The following PCDHGA7 variants were observed in gnomAD, a reference collection of about 807,000 sequenced individuals.
PCDHGA7 encodes protocadherin gamma-A7.
PCDHGA7 carries 44 observed loss-of-function variants against 58.3 expected under a neutral mutation model. The observed-to-expected ratio is 0.75, with a 90% CI of 0.59 to 0.97. The LOEUF (loss-of-function observed/expected upper bound fraction) is 0.97, where lower values mean the gene tolerates loss of function less well. Among genes scored for constraint, PCDHGA7 ranks in the 50% least tolerant of loss-of-function variants. PCDHGA7 has a pLI of 0.00. For missense variants in PCDHGA7, 1,266 were observed against 1,188.7 expected (o/e 1.06, Z -0.96); for synonymous variants, 516 against 504.2 (o/e 1.02, Z -0.31).
Position 141,477,312 on chromosome 5 carries a change from TTACTTC to T in PCDHGA7, c.2425-17493_2425-17488del, listed in dbSNP as rs773034406. Reference sequence around the variant, plus strand: ...GTTCCACCGGGTCTCCCTTTCAGCCTTACTTCTTCCCTCAAGAATTACTTCACTTTG... The same window carrying T: ...GTTCCACCGGGTCTCCCTTTCAGCCTTTCCCTCAAGAATTACTTCACTTTG... On this transcript the variant is annotated intron_variant, in intron 1 of 3. Coordinates refer to ENST00000518325, the MANE Select transcript of PCDHGA7 (RefSeq NM_018920.4). The surrounding 1 kb of genome is among the most constrained non-coding windows in gnomAD (Gnocchi z 4.9). The T allele has an allele frequency of 2.5e-6, 4 of 1,614,162 alleles. No homozygotes were observed. Among genetic ancestry groups the T allele is most frequent in the Non-Finnish European group, 3.4e-6 (4 of 1,180,032 alleles).
chr5:141,427,711 A>T, intron 1 of PCDHGA7: 1 of 1,036,498 alleles, frequency 9.6e-7, no homozygotes, highest in Non-Finnish European at 1.5e-6. Context: ...AGCGCCTCTG[A>T]CCTGGACCTA....
chr5:141,403,080 A>G, intron 1 of PCDHGA7: 2 of 1,614,078 alleles, frequency 1.2e-6, no homozygotes, highest in Non-Finnish European at 1.7e-6. Flanking sequence ...GAAAAGGGCT[A>G]TATTGTGGGC....
Position 141,384,139 on chromosome 5 carries a change from A to G in PCDHGA7, c.1240A>G (p.Thr414Ala), listed in dbSNP as rs1561600498. Residue 414 changes from threonine to alanine, a missense_variant, in exon 1 of 4, where the codon ACA (threonine) becomes GCA (alanine). By Grantham distance (58) the Thr-to-Ala change is moderately conservative. Transcript: ENST00000518325. ...LVTTKNLDRE[T>A]LSLYNITLKA... The stretch of plus-strand genomic sequence containing the variant: ...CACAACCAAAAACTTGGACCGGGAA[A>G]CACTCTCTTTGTATAACATCACACT... 6.2e-7 allele frequency: 1 copy of G among 1,612,786 alleles called. No individual in the cohort carries two copies.
chr5:141,392,248 A>G (rs2092491180), intron 1 of PCDHGA7: 3 of 152,220 alleles, frequency 2.0e-5, no homozygotes, highest in Admixed American at 2.0e-4. Flanking sequence ...ATTTGTTAGT[A>G]TATATTGGAG....
intron 1 of PCDHGA7, chr5:141,402,972 G>A (rs758148844): frequency 6.2e-7 from 1 of 1,608,316 alleles, no homozygotes; most frequent in Non-Finnish European, 8.5e-7. Context: ...CCAACCAAAT[G>A]CCAGCTCCGC....
chr5:141,469,711 T>C (rs894622720), intron 1 of PCDHGA7, among the ~76,000 whole-genome samples: 13 of 152,372 alleles, frequency 8.5e-5, no homozygotes, highest in African/African-American at 2.4e-4. Flanking sequence ...AATCACACTA[T>C]TAGGAATTTA....
In PCDHGA7 at chr5:141,491,893, G is replaced by C. The variant is rs2099734820; in HGVS notation, c.2425-2914G>C. The C allele has an allele frequency of 6.9e-7, 1 of 1,438,856 alleles. No individual in the cohort carries two copies. The highest frequency in any genetic ancestry group is 9.2e-7 in the Non-Finnish European group (1 of 1,088,104). 89.1% of individuals were successfully genotyped at this position (1,438,856 alleles called of 1,614,324 possible). A position where few individuals can be genotyped will look rare whatever the true frequency, so the allele number is the denominator to read the frequency against. ...GGCCGATTAAGGGATGGGGCTCCGA[G>C]CACCGGGGGTGGTGGCGACTGTGGG... On this transcript the variant is annotated intron_variant, in intron 1 of 3. Coordinates refer to ENST00000518325, the MANE Select transcript of PCDHGA7 (RefSeq NM_018920.4). The surrounding 1 kb of genome is among the most constrained non-coding windows in gnomAD (Gnocchi z 6.9).
intron 1 of PCDHGA7, chr5:141,421,770 G>A: frequency 6.2e-7 from 1 of 1,613,856 alleles, no homozygotes; most frequent in Non-Finnish European, 8.5e-7. Context: ...ACTTTTCCTT[G>A]CAACTGCGGG....
At chr5:141,420,501 A>T in intron 1 of PCDHGA7, 1 of 469,392 alleles carries the variant, frequency 2.1e-6, no homozygotes, top group East Asian at 4.1e-5. Context: ...CTCCGGTGAC[A>T]TTTTTATGAA....
chr5:141,501,141 A>G (rs940603527), intron 2 of PCDHGA7, among the ~76,000 whole-genome samples: 8 of 152,184 alleles, frequency 5.3e-5, no homozygotes, highest in Admixed American at 5.2e-4. Context: ...TGCTGGGATT[A>G]CAGGTGGGAG....
chr5:141,485,118 G>C lies in PCDHGA7; in HGVS notation c.2425-9689G>C, dbSNP rs547390669. 1 of 1,331,536 alleles carries C rather than the reference G, an allele frequency of 7.5e-7. No homozygotes were observed. Among genetic ancestry groups the C allele is most frequent in the East Asian group, 2.3e-5 (1 of 43,534 alleles). The allele number at this position is 1,331,536 out of a possible 1,614,324, so 82.5% of individuals were successfully genotyped here. On this transcript the variant is annotated intron_variant, in intron 1 of 3. Coordinates refer to ENST00000518325, the MANE Select transcript of PCDHGA7 (RefSeq NM_018920.4). The surrounding 1 kb of genome is among the most constrained non-coding windows in gnomAD (Gnocchi z 5.7). ...TCTCCAGCTGCTGTGGCTGTTTGGG[G>C]CGGGTCGGCTTCATCCGCGTCTCAG...
chr5:141,431,965 T>C lies in PCDHGA7; in HGVS notation c.2424+46642T>C, dbSNP rs765281339. The C allele has an allele frequency of 4.0e-5, 64 of 1,614,098 alleles. No homozygotes were observed. In the East Asian group the frequency reaches 4.9e-4, roughly 12 times the overall value. On this transcript the variant is annotated intron_variant, in intron 1 of 3. Transcript: ENST00000518325. This position sits in a 1 kb window ranked among gnomAD's most constrained non-coding sequence, Gnocchi z 4.8. Reference sequence around the variant, plus strand: ...TAGAAAAATCTTACGGAAATTACTATAGTTTAGTCACAGACATAGTCTTGG... The same window carrying C: ...TAGAAAAATCTTACGGAAATTACTACAGTTTAGTCACAGACATAGTCTTGG...
At chr5:141,424,068 G>T in intron 1 of PCDHGA7, 1 of 993,858 alleles carries the variant, frequency 1.0e-6, no homozygotes. Flanking sequence ...TCACTGATTT[G>T]TAGTTATATT....
At chr5:141,468,774 G>A (rs1229480462) in intron 1 of PCDHGA7, among the ~76,000 whole-genome samples, 4 of 152,028 alleles carry the variant, frequency 2.6e-5, no homozygotes, top group Non-Finnish European at 4.4e-5. Flanking sequence ...GCTGAGGCAG[G>A]AGAATGGCGT....
At chr5:141,437,460 T>C (rs2097886220) in intron 1 of PCDHGA7, among the ~76,000 whole-genome samples, 1 of 152,230 alleles carries the variant, frequency 6.6e-6, no homozygotes, top group South Asian at 2.1e-4. Flanking sequence ...GAGACTATAC[T>C]ATACTTTTAT....
At chr5:141,416,200 T>G (rs1318033556) in intron 1 of PCDHGA7, 2 of 152,444 alleles carry the variant, frequency 1.3e-5, no homozygotes, top group African/African-American at 4.8e-5. Context: ...ATTAACAATT[T>G]ATTTATAACA....
Position 141,384,494 on chromosome 5 carries a change from T to G in PCDHGA7, c.1595T>G (p.Val532Gly), listed in dbSNP as rs900386629. The change falls in exon 1 of 4, where the codon GTG (valine) becomes GGG (glycine). Residue 532 changes from valine (V) to glycine (G), a missense_variant. Transcript: ENST00000518325. ...CAGTTGAGAGAACTACAACTAAGAG[T>G]GACTGCACATGACAGCGGGGACCCG... ...YEQLRELQLRVTAHDSGDPPL... is the reference protein window; with the variant it reads ...YEQLRELQLRGTAHDSGDPPL... The G allele has an allele frequency of 1.2e-6, 2 of 1,613,972 alleles. No individual in the cohort carries two copies. Among genetic ancestry groups the G allele is most frequent in the Admixed American group, 1.7e-5 (1 of 60,026 alleles).
At chr5:141,389,311 A>C in intron 1 of PCDHGA7, 2 of 1,613,988 alleles carry the variant, frequency 1.2e-6, no homozygotes, top group Non-Finnish European at 1.7e-6. Context: ...AGGGCTTCTG[A>C]TCCGGACTTG....
chr5:141,420,018 G>T, intron 1 of PCDHGA7: 2 of 1,614,066 alleles, frequency 1.2e-6, no homozygotes, highest in African/African-American at 2.7e-5. Flanking sequence ...CAGTCTTTCA[G>T]CCCTACTGCA....
Sources: allele counts gnomAD v4.1 joint callset (sites outside exome capture counted in the v4.1 genomes callset), GRCh38; gene constraint gnomAD v4.1.1; non-coding constraint Gnocchi (gnomAD v3.1); transcripts MANE v1.5; gene names NCBI Gene and HGNC (gene_info 2026-07-23, HGNC 2026-07-21).